Variants in RGS7 observed in about 807,000 individuals in gnomAD.
RGS7 encodes the protein regulator of G-protein signaling 7.
Under a neutral mutation model 81.1 loss-of-function variants are expected in RGS7, and 27 were observed. The observed-to-expected ratio is 0.33, with a 90% confidence interval of 0.25 to 0.46. RGS7 has a LOEUF of 0.46. Ranked by LOEUF, RGS7 falls within the 20% of genes least tolerant of loss-of-function variation. The pLI is 1.00. For synonymous variants in RGS7, 208 were observed against 207.7 expected, an observed-to-expected ratio of 1.00 and a Z score of -0.01; for missense variants, 396 against 607.4, an observed-to-expected ratio of 0.65 and a Z score of 3.66.
intron 2 of RGS7, among the ~76,000 whole-genome samples, chr1:241,290,502 T>A (rs1029975307): frequency 6.6e-6 from 1 of 152,238 alleles, no homozygotes; most frequent in Non-Finnish European, 1.5e-5. Flanking sequence ...TTCATTTTTC[T>A]TTATGCTAAG....
intron 3 of RGS7, among the ~76,000 whole-genome samples, chr1:241,020,053 T>C (rs2059462821): frequency 6.6e-6 from 1 of 152,224 alleles, no homozygotes; most frequent in Admixed American, 6.5e-5. Flanking sequence ...TCTTCTAATC[T>C]GTGAGAATGT....
intron 2 of RGS7, among the ~76,000 whole-genome samples, chr1:241,299,835 G>T (rs930575657): frequency 3.5e-5 from 5 of 142,680 alleles, no homozygotes; most frequent in Non-Finnish European, 6.0e-5. Flanking sequence ...AAAAAAAAAG[G>T]CTGGGCACAG....
At chr1:240,904,328 A>G (rs1421270116) in intron 6 of RGS7, among the ~76,000 whole-genome samples, 1 of 152,146 alleles carries the variant, frequency 6.6e-6, no homozygotes, top group Non-Finnish European at 1.5e-5. Context: ...CTTAAAGTGC[A>G]CTCTGCTGCA....
rs146083747 is a variant in RGS7, at chr1:241,033,714, G to A, written c.176-50585C>T. 1.7e-3 allele frequency among the ~76,000 whole-genome samples: 253 copies of A among 151,910 alleles called. 3 individuals are homozygous for A. Among genetic ancestry groups the A allele is most frequent in the African/African-American group, 4.7e-3 (196 of 41,424 alleles). ...AAAGTTAGGTTAACAACTCTATGAC[G>A]GTTTCCTAATATATTGTTTAAATTT... On this transcript the variant is annotated intron_variant, in intron 3 of 18. Coordinates refer to ENST00000440928, the MANE Select transcript of RGS7 (RefSeq NM_001364886.1).
At chr1:241,181,519 T>C (rs1214153283) in intron 2 of RGS7, among the ~76,000 whole-genome samples, 2 of 152,224 alleles carry the variant, frequency 1.3e-5, no homozygotes, top group Non-Finnish European at 1.5e-5. Context: ...ACTCTGATCC[T>C]GTTTCTTAGC....
chr1:241,332,291 A>G (rs2082017538), intron 2 of RGS7, among the ~76,000 whole-genome samples: 2 of 152,320 alleles, frequency 1.3e-5, no homozygotes, highest in South Asian at 4.1e-4. Flanking sequence ...ATCCTGGAAA[A>G]GAGAAGGCTT....
At chr1:241,152,552 T>C (rs918864182) in intron 2 of RGS7, among the ~76,000 whole-genome samples, 2 of 152,234 alleles carry the variant, frequency 1.3e-5, no homozygotes, top group African/African-American at 2.4e-5. Context: ...TAGGTCTTGC[T>C]GACTCAGTTG....
chr1:241,236,362 G>A (rs144967615), intron 2 of RGS7, among the ~76,000 whole-genome samples: 42 of 152,264 alleles, frequency 2.8e-4, no homozygotes, highest in Middle Eastern at 3.4e-3. Context: ...CTTTCAGTGT[G>A]TAGAGTTAGC....
chr1:241,332,170 G>A (rs2082012518), intron 2 of RGS7, among the ~76,000 whole-genome samples: 1 of 152,214 alleles, frequency 6.6e-6, no homozygotes, highest in Admixed American at 6.5e-5. Context: ...CAGGACTGGA[G>A]TTAAGTGAAG....
intron 3 of RGS7, among the ~76,000 whole-genome samples, chr1:241,005,673 TA>T (rs1401390927): frequency 6.6e-6 from 1 of 152,110 alleles, no homozygotes; most frequent in Non-Finnish European, 1.5e-5. Flanking sequence ...TAGCTGGGAT[TA>T]CAGGCATCCA....
chr1:241,099,995 A>T (rs1161006260), intron 2 of RGS7, among the ~76,000 whole-genome samples: 1 of 150,824 alleles, frequency 6.6e-6, no homozygotes, highest in African/African-American at 2.4e-5. Context: ...GAATTCTGTT[A>T]TCTTTTCTTT....
intron 2 of RGS7, among the ~76,000 whole-genome samples, chr1:241,274,739 G>A (rs940867051): frequency 6.6e-6 from 1 of 152,010 alleles, no homozygotes; most frequent in Non-Finnish European, 1.5e-5. Context: ...ACCTCATTAC[G>A]GCCCATGGAA....
chr1:241,291,581 T>G, intron 2 of RGS7, among the ~76,000 whole-genome samples: 1 of 143,160 alleles, frequency 7.0e-6, no homozygotes, highest in Non-Finnish European at 1.5e-5. Context: ...TTTTTTTTTT[T>G]TTTTTTGCTT....
At chr1:240,798,243 G>C (rs1687401140) in intron 18 of RGS7, among the ~76,000 whole-genome samples, 1 of 152,108 alleles carries the variant, frequency 6.6e-6, no homozygotes, top group Admixed American at 6.6e-5. Flanking sequence ...ATCCTCAGCT[G>C]TTTATTATAA....
chr1:241,265,856 G>A (rs897227502), intron 2 of RGS7, among the ~76,000 whole-genome samples: 7 of 134,790 alleles, frequency 5.2e-5, no homozygotes, highest in Non-Finnish European at 9.2e-5. Context: ...ATGCAACGGC[G>A]CAATCTCGGC....
chr1:241,132,847 C>T (rs1294889893), intron 2 of RGS7, among the ~76,000 whole-genome samples: 1 of 152,210 alleles, frequency 6.6e-6, no homozygotes, highest in African/African-American at 2.4e-5. Context: ...ACTGCAAGCT[C>T]TGCCTCCTGG....
intron 5 of RGS7, among the ~76,000 whole-genome samples, chr1:240,932,915 G>A (rs1481608643): frequency 2.0e-3 from 200 of 98,338 alleles, no homozygotes; most frequent in African/African-American, 7.6e-3. Flanking sequence ...ACAGAGTCTC[G>A]CTCTGTCGCC....
intron 18 of RGS7, among the ~76,000 whole-genome samples, chr1:240,781,971 C>T (rs374858357): frequency 2.8e-4 from 43 of 151,634 alleles, no homozygotes; most frequent in Middle Eastern, 3.4e-3. Context: ...GCTGAGATCG[C>T]GCCATTGTAC....
chr1:241,352,473 G>T (rs1224017960), intron 2 of RGS7, among the ~76,000 whole-genome samples: 1 of 152,200 alleles, frequency 6.6e-6, no homozygotes, highest in Non-Finnish European at 1.5e-5. Flanking sequence ...CTAAACAGAA[G>T]AACTGATAAG....
Sources: allele counts gnomAD v4.1 joint callset (sites outside exome capture counted in the v4.1 genomes callset), GRCh38; gene constraint gnomAD v4.1.1; transcripts MANE v1.5; gene names NCBI Gene and HGNC (gene_info 2026-07-23, HGNC 2026-07-21).